Variants in RSPH1 observed in about 807,000 individuals in gnomAD.
The protein encoded by RSPH1 is radial spoke head 1 homolog.
RSPH1 carries 32 observed loss-of-function variants against 44.2 expected under a neutral mutation model. The ratio of observed to expected loss-of-function variants is 0.72; its 90% confidence interval spans 0.55 to 0.97. The LOEUF (loss-of-function observed/expected upper bound fraction) is 0.97. Ranked by LOEUF, RSPH1 falls within the 50% of genes least tolerant of loss-of-function variation. The probability of loss-of-function intolerance (pLI) is 0.00; values close to 1 mark genes in which losing one functional copy is unlikely to be tolerated. For missense variants in RSPH1, 391 were observed against 398.7 expected (o/e 0.98, Z 0.16); for synonymous variants, 134 against 147.3 (o/e 0.91, Z 0.65).
chr21:42,474,557 T>C lies in RSPH1; in HGVS notation c.877+1341A>G, dbSNP rs2054024009. On this transcript the variant is annotated intron_variant, in intron 8 of 8. Coordinates refer to ENST00000291536, the MANE Select transcript of RSPH1 (RefSeq NM_080860.4). This position sits in a 1 kb window ranked among gnomAD's most constrained non-coding sequence, Gnocchi z 5.2. The stretch of plus-strand genomic sequence containing the variant: ...CACAGTGACTAAGGACTGACATCTG[T>C]GGGCACAGCTAGATGCTGCTGTAAC... Among the ~76,000 whole-genome samples, 1 of 152,252 alleles carries C rather than the reference T, an allele frequency of 6.6e-6. No homozygotes were observed. Among genetic ancestry groups the C allele is most frequent in the South Asian group, 2.1e-4 (1 of 4,834 alleles).
At chr21:42,475,837 C>T in intron 8 of RSPH1, 61 bp downstream of exon 8, 2 of 1,571,794 alleles carry the variant, frequency 1.3e-6, no homozygotes, top group Non-Finnish European at 1.7e-6. Context: ...GAAGGGGAAT[C>T]CCACTGTTCG....
intron 8 of RSPH1, among the ~76,000 whole-genome samples, chr21:42,473,438 C>T (rs888701156): frequency 1.3e-5 from 2 of 149,956 alleles, no homozygotes; most frequent in African/African-American, 2.5e-5. Context: ...TTCAGTGAGC[C>T]GAGGTCACGC....
In RSPH1 at chr21:42,486,365, C is replaced by T. The variant is rs2054180656; in HGVS notation, c.365+6G>A. The T allele has an allele frequency of 6.2e-7, 1 of 1,605,024 alleles. No individual in the cohort carries two copies. Among genetic ancestry groups the T allele is most frequent in the Non-Finnish European group, 8.5e-7 (1 of 1,171,726 alleles). ...ATCCCGTTAAGACCCAAGATAGAAA[C>T]CGAACCTTTGATGAGCAAACCACTC... On this transcript the variant is annotated splice_donor_region_variant and intron_variant, in intron 4 of 8. Coordinates refer to ENST00000291536, the MANE Select transcript of RSPH1 (RefSeq NM_080860.4).
intron 6 of RSPH1, among the ~76,000 whole-genome samples, chr21:42,480,138 T>C (rs1341645994): frequency 1.3e-5 from 2 of 151,896 alleles, no homozygotes; most frequent in Non-Finnish European, 2.9e-5. Flanking sequence ...GTGCAGAAAG[T>C]AGAATATCAC....
intron 4 of RSPH1, 114 bp from the exon 5 acceptor site, chr21:42,485,918 C>G: frequency 7.7e-7 from 1 of 1,304,164 alleles, no homozygotes; most frequent in African/African-American, 1.4e-5. Flanking sequence ...GGCTCACAAG[C>G]GATGTAGCTT....
intron 4 of RSPH1, 121 bp from the exon 5 acceptor site, chr21:42,485,925 G>A: frequency 8.1e-7 from 1 of 1,240,202 alleles, no homozygotes; most frequent in Non-Finnish European, 1.2e-6. Context: ...AAGCGATGTA[G>A]CTTCTATATC....
rs545849358 is a variant in RSPH1, at chr21:42,479,035, A to G, written c.574-1591T>C. ...GTCTGGGATAACGGACAAGCTCCAG[A>G]AATGCATCATTCTCACAGCTGCACA... On this transcript the variant is annotated intron_variant, in intron 6 of 8. Coordinates refer to ENST00000291536, the MANE Select transcript of RSPH1 (RefSeq NM_080860.4). Among the ~76,000 whole-genome samples the G allele has an allele frequency of 3.9e-5, 6 of 152,366 alleles. No homozygotes were observed. In the South Asian group the frequency reaches 1.2e-3, roughly 32 times the overall value.
intron 3 of RSPH1, 51 bp from the exon 4 acceptor site, chr21:42,486,512 C>T (rs973155078): frequency 8.6e-6 from 11 of 1,280,702 alleles, no homozygotes; most frequent in South Asian, 3.6e-5. Context: ...GGGATCGATG[C>T]CCTGTACCAT....
chr21:42,487,477 A>G (rs577963167), intron 3 of RSPH1, among the ~76,000 whole-genome samples: 9 of 152,390 alleles, frequency 5.9e-5, no homozygotes, highest in Non-Finnish European at 1.2e-4. Flanking sequence ...AAAACATTAC[A>G]AAATGGTTGC....
In RSPH1 at chr21:42,477,302, G is replaced by A. The variant is rs1273361305; in HGVS notation, c.716C>T (p.Pro239Leu). Reference protein sequence around the residue: ...TSTDGPGQDAPGAESAGEPGE... With the variant: ...TSTDGPGQDALGAESAGEPGE... Reference sequence around the variant, plus strand: ...GGGGTGCCCCACACTCTCAGCTCCTGGAGCGTCTTGGCCAGGTCCATCCGT... The same window carrying A: ...GGGGTGCCCCACACTCTCAGCTCCTAGAGCGTCTTGGCCAGGTCCATCCGT... Residue 239 changes from proline (P) to leucine (L), a missense_variant, in exon 7 of 9, where the codon CCA becomes CTA. Physicochemically the swap from Pro to Leu is moderately conservative, Grantham distance 98. Coordinates refer to ENST00000291536, the MANE Select transcript of RSPH1 (RefSeq NM_080860.4). 7.5e-6 allele frequency: 12 copies of A among 1,596,002 alleles called. No individual in the cohort carries two copies. Among genetic ancestry groups the A allele is most frequent in the Non-Finnish European group, 1.0e-5 (12 of 1,169,792 alleles).
chr21:42,477,869 T>C (rs1045414595), intron 6 of RSPH1, among the ~76,000 whole-genome samples: 1 of 152,300 alleles, frequency 6.6e-6, no homozygotes, highest in East Asian at 1.9e-4. Context: ...TAATTATATG[T>C]CTATTGAGCT....
At chr21:42,489,937 T>C (rs2054219707) in intron 3 of RSPH1, among the ~76,000 whole-genome samples, 1 of 152,194 alleles carries the variant, frequency 6.6e-6, no homozygotes, top group African/African-American at 2.4e-5. Flanking sequence ...TTCTTCTTTC[T>C]CCACAATGTC....
intron 6 of RSPH1, among the ~76,000 whole-genome samples, chr21:42,479,015 G>A (rs1247126746): frequency 6.6e-6 from 1 of 152,118 alleles, no homozygotes; most frequent in African/African-American, 2.4e-5. Context: ...TTTCTGTCTG[G>A]GATAACGGAC....
chr21:42,490,883 G>A (rs1446113730), intron 3 of RSPH1, among the ~76,000 whole-genome samples: 1 of 152,046 alleles, frequency 6.6e-6, no homozygotes, highest in African/African-American at 2.4e-5. Flanking sequence ...AGAAGGAAGG[G>A]GCCAGAGATT....
chr21:42,480,472 C>T (rs1223785395), intron 6 of RSPH1, among the ~76,000 whole-genome samples: 3 of 151,970 alleles, frequency 2.0e-5, no homozygotes, highest in Non-Finnish European at 4.4e-5. Flanking sequence ...GAAACCCCGT[C>T]TCTACTAAAA....
chr21:42,477,483 T>A, intron 6 of RSPH1, 39 bp from the exon 7 acceptor site: 1 of 1,603,754 alleles, frequency 6.2e-7, no homozygotes, highest in Non-Finnish European at 8.5e-7. Context: ...CCAACATTTG[T>A]GTCATCTTGG....
intron 3 of RSPH1, among the ~76,000 whole-genome samples, chr21:42,491,308 T>G (rs1249106208): frequency 6.6e-6 from 1 of 152,182 alleles, no homozygotes; most frequent in Admixed American, 6.5e-5. Context: ...AGAATGGAGT[T>G]GCATCATTGG....
rs945159768 is a variant in RSPH1 at position 42,474,657 on chromosome 21, C to A, written c.877+1241G>T. ...TACCTACCAGGGCTCACTCTATCCACCCTCCCTGTGCAAGTCAGAGAAGCA... is the reference window on the plus strand; with the variant it reads ...TACCTACCAGGGCTCACTCTATCCAACCTCCCTGTGCAAGTCAGAGAAGCA... On this transcript the variant is annotated intron_variant, in intron 8 of 8. Transcript: ENST00000291536. The surrounding 1 kb of genome is among the most constrained non-coding windows in gnomAD (Gnocchi z 5.2). Among the ~76,000 whole-genome samples, 1 of 152,246 alleles carries A rather than the reference C, an allele frequency of 6.6e-6. No individual in the cohort carries two copies. Among genetic ancestry groups the A allele is most frequent in the South Asian group, 2.1e-4 (1 of 4,830 alleles).
intron 3 of RSPH1, among the ~76,000 whole-genome samples, chr21:42,487,419 T>C (rs1162506120): frequency 6.6e-6 from 1 of 152,228 alleles, no homozygotes; most frequent in African/African-American, 2.4e-5. Context: ...TTGATCAATT[T>C]GTTGATCAAA....
Sources: gnomAD v4.1 joint callset for allele counts (sites outside exome capture counted in the v4.1 genomes callset) on GRCh38, gnomAD v4.1.1 for gene constraint, Gnocchi (gnomAD v3.1) non-coding constraint, MANE v1.5 for transcripts, NCBI Gene and HGNC (gene_info 2026-07-23, HGNC 2026-07-21) for gene names.